The following SANBR variants were observed in gnomAD, a reference collection of about 807,000 sequenced individuals.
The protein encoded by SANBR is SANT and BTB domain regulator of class switch recombination.
SANBR carries 77 observed loss-of-function variants against 101.8 expected under a neutral mutation model. That is an observed-to-expected ratio of 0.76 (90% CI 0.63 to 0.91). The LOEUF (loss-of-function observed/expected upper bound fraction) is 0.91, where lower values mean the gene tolerates loss of function less well. Among genes scored for constraint, SANBR ranks in the 40% least tolerant of loss-of-function variants. The pLI is 0.00. For synonymous variants in SANBR, 279 were observed against 274.7 expected (o/e 1.02, Z -0.15); for missense variants, 875 against 853.0 (o/e 1.03, Z -0.32).
intron 4 of SANBR, among the ~76,000 whole-genome samples, chr2:61,072,140 T>C (rs1462399296): frequency 2.0e-5 from 3 of 152,162 alleles, no homozygotes; most frequent in Non-Finnish European, 4.4e-5. Context: ...GGTTTTGCTG[T>C]GTTGCCCAGG....
intron 13 of SANBR, among the ~76,000 whole-genome samples, chr2:61,104,763 G>C (rs1331913007): frequency 1.3e-5 from 2 of 151,922 alleles, no homozygotes; most frequent in Non-Finnish European, 1.5e-5. Flanking sequence ...GAGGCTGGAG[G>C]ACTCTTTAAA....
chr2:61,087,986 A>G (rs1682533109), intron 8 of SANBR, among the ~76,000 whole-genome samples, 173 bp from the exon 9 acceptor site: 1 of 152,214 alleles, frequency 6.6e-6, no homozygotes, highest in Non-Finnish European at 1.5e-5. Context: ...TATTTACTTA[A>G]TAATAAACTG....
At position 61,070,371 on chromosome 2, in the gene SANBR, AAAC is replaced by A; in HGVS notation, c.27_29del (p.Asn10del). The A allele has an allele frequency of 1.3e-6, 2 of 1,585,300 alleles. No individual in the cohort carries two copies. The highest frequency in any genetic ancestry group is 1.7e-6 in the Non-Finnish European group (2 of 1,170,054). On this transcript the variant is annotated inframe_deletion, in exon 3 of 22. Coordinates refer to ENST00000402291, the MANE Select transcript of SANBR (RefSeq NM_001129993.3). ...AAAAGATGAGTCGTGGATATTCAGA[AAAC>A]AACAATTTCCTGAACAATAATAACC...
chr2:61,117,785 A>G (rs1684145544), intron 19 of SANBR, among the ~76,000 whole-genome samples: 1 of 152,226 alleles, frequency 6.6e-6, no homozygotes. Flanking sequence ...TATTTTCACC[A>G]TAAAGATGAC....
chr2:61,110,008 CATT>C (rs1648620558), intron 16 of SANBR, among the ~76,000 whole-genome samples: 1 of 151,972 alleles, frequency 6.6e-6, no homozygotes, highest in Non-Finnish European at 1.5e-5. Context: ...TTTCTGAACT[CATT>C]AGTTCCGAGA....
intron 10 of SANBR, chr2:61,090,717 T>TG (rs1233529473): frequency 1.4e-3 from 201 of 145,294 alleles, no homozygotes; most frequent in Admixed American, 6.6e-4. Flanking sequence ...GGGCACAGGG[T>TG]TTGTGTGTGT....
At chr2:61,102,017 G>C (rs143025105) in intron 12 of SANBR, among the ~76,000 whole-genome samples, 92 of 151,978 alleles carry the variant, frequency 6.1e-4, no homozygotes, top group African/African-American at 2.1e-3. Context: ...GGGTGACAGA[G>C]CAAGACTCCA....
intron 5 of SANBR, among the ~76,000 whole-genome samples, chr2:61,076,434 G>C (rs1221611378): frequency 1.4e-5 from 2 of 146,250 alleles, no homozygotes; most frequent in African/African-American, 5.0e-5. Context: ...TGGCTAACAC[G>C]GTGAAACCCC....
Position 61,117,978 on chromosome 2 carries a change from TTA to T in SANBR, c.1940-44_1940-43del, listed in dbSNP as rs751378077. On this transcript the variant is annotated intron_variant, in intron 19 of 21. Transcript: ENST00000402291. ...TACAGTCTTTTTGAGAAATAAAAAG[TTA>T]TATATCATCCTTATGAAAAGTAAAG... 2.7e-5 allele frequency: 37 copies of T among 1,369,118 alleles called. No homozygotes were observed. In the African/African-American group the frequency reaches 4.0e-4, roughly 15 times the overall value. The allele number at this position is 1,369,118 out of a possible 1,614,324, so 84.8% of individuals were successfully genotyped here. A position where few individuals can be genotyped will look rare whatever the true frequency, so the allele number is the denominator to read the frequency against.
At chr2:61,088,557 T>G (rs1682578381) in intron 10 of SANBR, 89 bp downstream of exon 10, 2 of 864,406 alleles carry the variant, frequency 2.3e-6, no homozygotes, top group Non-Finnish European at 3.3e-6. Context: ...TCTTACTCTG[T>G]CACCCAGGCT....
intron 11 of SANBR, among the ~76,000 whole-genome samples, chr2:61,094,600 A>G (rs1682933270): frequency 1.4e-5 from 2 of 146,140 alleles, no homozygotes; most frequent in Non-Finnish European, 3.0e-5. Context: ...TCCTGTGAAC[A>G]TAGGTTTTTA....
In SANBR at chr2:61,068,893, A is replaced by C. The variant is rs2104837023; in HGVS notation, c.-102A>C. The C allele has an allele frequency of 6.6e-6, 1 of 152,492 alleles. No individual in the cohort carries two copies. The highest frequency in any genetic ancestry group is 1.5e-5 in the Non-Finnish European group (1 of 68,036). 9.4% of individuals were successfully genotyped at this position (152,492 alleles called of 1,614,324 possible). A position where few individuals can be genotyped will look rare whatever the true frequency, so the allele number is the denominator to read the frequency against. On this transcript the variant is annotated 5_prime_UTR_variant, in exon 2 of 22. It removes an upstream start codon present in the reference 5' UTR. Coordinates refer to ENST00000402291, the MANE Select transcript of SANBR (RefSeq NM_001129993.3). ...GAGATTAACTAATCTGAACCAGATA[A>C]TGCCATAAGTAGTAGAACTGCGATG...
At chr2:61,075,485 C>T (rs1310496564) in intron 5 of SANBR, among the ~76,000 whole-genome samples, 2 of 152,144 alleles carry the variant, frequency 1.3e-5, no homozygotes, top group East Asian at 3.9e-4. Flanking sequence ...TCTGAAACTC[C>T]TGGGCTCAAG....
Position 61,111,106 on chromosome 2 carries a change from T to C in SANBR, c.1744+1810T>C, listed in dbSNP as rs186576983. Among the ~76,000 whole-genome samples, 353 of 152,048 alleles carry C rather than the reference T, an allele frequency of 2.3e-3. 2 individuals carry two copies. Among genetic ancestry groups the C allele is most frequent in the Non-Finnish European group, 2.7e-3 (185 of 67,968 alleles). The stretch of plus-strand genomic sequence containing the variant: ...ACCCTCCAATGACATTGAAAAAACA[T>C]GCTGCAGCCAGGCGCAGTGGCTCAC... On this transcript the variant is annotated intron_variant, in intron 16 of 21. Coordinates refer to ENST00000402291, the MANE Select transcript of SANBR (RefSeq NM_001129993.3).
chr2:61,118,479 G>A (rs1684184188), intron 20 of SANBR, among the ~76,000 whole-genome samples: 1 of 149,560 alleles, frequency 6.7e-6, no homozygotes, highest in African/African-American at 2.5e-5. Context: ...GACCTCAGGT[G>A]ATCCACCCAC....
At chr2:61,137,674 C>T (rs1383448675) in exon 22 of SANBR, 1 of 151,812 alleles carries the variant, frequency 6.6e-6, no homozygotes, top group African/African-American at 2.4e-5. Flanking sequence ...CAGGTACCCA[C>T]CACCCAGCAT....
chr2:61,119,296 T>G (rs1455011926), intron 20 of SANBR, among the ~76,000 whole-genome samples: 2 of 152,200 alleles, frequency 1.3e-5, no homozygotes, highest in African/African-American at 2.4e-5. Flanking sequence ...AAAGGAAACA[T>G]AGGAGAAAAT....
At chr2:61,080,159 T>C (rs1682027224) in intron 6 of SANBR, among the ~76,000 whole-genome samples, 1 of 138,444 alleles carries the variant, frequency 7.2e-6, no homozygotes, top group Non-Finnish European at 1.5e-5. Flanking sequence ...ATCATGCCAC[T>C]GCACTCCAGT....
At chr2:61,106,536 T>C in intron 13 of SANBR, 27 bp from the exon 14 acceptor site, 8 of 1,419,838 alleles carry the variant, frequency 5.6e-6, no homozygotes, top group Non-Finnish European at 6.8e-6. Context: ...TAAACTCTTC[T>C]CCGTAAAAAT....
Sources: gnomAD v4.1 joint callset for allele counts (sites outside exome capture counted in the v4.1 genomes callset) on GRCh38, gnomAD v4.1.1 for gene constraint, MANE v1.5 for transcripts, NCBI Gene and HGNC (gene_info 2026-07-23, HGNC 2026-07-21) for gene names.